SMARCC1: variants seen among roughly 807,000 people sequenced by gnomAD.
SMARCC1 encodes SWI/SNF related BAF chromatin remodeling complex subunit C1.
SMARCC1 carries 43 observed loss-of-function variants against 147.4 expected under a neutral mutation model. That is an observed-to-expected ratio of 0.29 (90% CI 0.23 to 0.38). The LOEUF is 0.38. SMARCC1 is among the 10% of genes least tolerant of loss of function. The probability of loss-of-function intolerance (pLI) is 1.00; values close to 1 mark genes in which losing one functional copy is unlikely to be tolerated. For synonymous variants in SMARCC1, 495 were observed against 484.4 expected, an observed-to-expected ratio of 1.02 and a Z score of -0.29; for missense variants, 1,119 against 1,381.1, an observed-to-expected ratio of 0.81 and a Z score of 3.01.
intron 18 of SMARCC1, among the ~76,000 whole-genome samples, chr3:47,674,735 G>A (rs2033548156): frequency 1.3e-5 from 2 of 151,772 alleles, no homozygotes; most frequent in South Asian, 2.1e-4. Flanking sequence ...AAAGTGTTGA[G>A]CTTGGCCTGG....
At chr3:47,633,685 A>G (rs568661280) in intron 24 of SMARCC1, among the ~76,000 whole-genome samples, 33 of 143,168 alleles carry the variant, frequency 2.3e-4, no homozygotes, top group Admixed American at 2.2e-3. Flanking sequence ...CGGAGGTTGC[A>G]GTGAGCCAAG....
intron 21 of SMARCC1, among the ~76,000 whole-genome samples, chr3:47,650,298 AATTATT>A (rs55981108): frequency 3.0e-4 from 42 of 141,058 alleles, no homozygotes; most frequent in African/African-American, 9.4e-4. Context: ...TAATAATAAT[AATTATT>A]ATTATTATTA....
chr3:47,714,392 AT>A (rs748133706), intron 8 of SMARCC1, 22 bp downstream of exon 8: 219 of 1,434,246 alleles, frequency 1.5e-4, no homozygotes, highest in Non-Finnish European at 1.9e-4. Flanking sequence ...TTATTGTAAG[AT>A]TTTTTTTGTT....
At position 47,676,566 on chromosome 3, in the gene SMARCC1, A is replaced by C. The variant is rs1576407972; in HGVS notation, c.1725+63T>G. 2.6e-6 allele frequency: 3 copies of C among 1,165,946 alleles called. No homozygotes were observed. The East Asian group carries it at 7.1e-5, about 28-fold the overall frequency. 72.2% of individuals were successfully genotyped at this position (1,165,946 alleles called of 1,614,324 possible). A position where few individuals can be genotyped will look rare whatever the true frequency, so the allele number is the denominator to read the frequency against. ...AGTATAATAATAATTGTTTCTAAATAGATATGCTATAAATGGCCATTTGTT... is the reference window on the plus strand; with the variant it reads ...AGTATAATAATAATTGTTTCTAAATCGATATGCTATAAATGGCCATTTGTT... On this transcript the variant is annotated intron_variant, in intron 17 of 27. Transcript: ENST00000254480.
rs922102116 is a variant in SMARCC1, at chr3:47,676,621, T to C, written c.1725+8A>G. ...TCCAGGTCTGATGAAAAGTCAACAT[T>C]AATTTACCTGAGGTGATCGAAGATG... On this transcript the variant is annotated splice_region_variant and intron_variant, in intron 17 of 27. Transcript: ENST00000254480. 11 of 1,612,072 alleles carry C rather than the reference T, an allele frequency of 6.8e-6. No homozygotes were observed. The highest frequency in any genetic ancestry group is 9.3e-6 in the Non-Finnish European group (11 of 1,178,614).
intron 21 of SMARCC1, among the ~76,000 whole-genome samples, chr3:47,641,229 G>A (rs2033043787): frequency 2.0e-5 from 3 of 152,230 alleles, no homozygotes; most frequent in Admixed American, 2.0e-4. Context: ...GCTCATGCCT[G>A]TAATCCCAGC....
chr3:47,697,005 C>T (rs1344473778), intron 11 of SMARCC1, among the ~76,000 whole-genome samples: 1 of 152,144 alleles, frequency 6.6e-6, no homozygotes, highest in Non-Finnish European at 1.5e-5. Flanking sequence ...GGAAAGGCCA[C>T]CATGTCCAGC....
intron 11 of SMARCC1, among the ~76,000 whole-genome samples, chr3:47,700,194 C>A (rs1226052851): frequency 6.6e-6 from 1 of 151,050 alleles, no homozygotes; most frequent in African/African-American, 2.4e-5. Flanking sequence ...AAAAACCTAC[C>A]AATAACTTTA....
intron 21 of SMARCC1, among the ~76,000 whole-genome samples, chr3:47,646,352 A>C (rs1444332081): frequency 1.3e-5 from 2 of 152,132 alleles, no homozygotes; most frequent in Non-Finnish European, 1.5e-5. Flanking sequence ...CATGTATCTC[A>C]TGTCATTTTG....
At chr3:47,757,323 G>A (rs2034712014) in intron 2 of SMARCC1, among the ~76,000 whole-genome samples, 1 of 152,086 alleles carries the variant, frequency 6.6e-6, no homozygotes, top group South Asian at 2.1e-4. Context: ...GATTTAAACA[G>A]GTACTTCTCA....
chr3:47,720,049 TAAAAG>T (rs1559653907), intron 7 of SMARCC1, among the ~76,000 whole-genome samples: 1 of 152,034 alleles, frequency 6.6e-6, no homozygotes, highest in East Asian at 1.9e-4. Flanking sequence ...ATTCATTTCT[TAAAAG>T]AAACAAATAT....
At chr3:47,732,307 G>A (rs962077977) in intron 5 of SMARCC1, among the ~76,000 whole-genome samples, 2 of 152,182 alleles carry the variant, frequency 1.3e-5, no homozygotes, top group Non-Finnish European at 2.9e-5. Flanking sequence ...TTAAGGAAAT[G>A]TTGGGCTGCT....
chr3:47,601,226 C>T (rs556807980), intron 26 of SMARCC1, among the ~76,000 whole-genome samples: 21 of 151,690 alleles, frequency 1.4e-4, no homozygotes, highest in Non-Finnish European at 2.1e-4. Context: ...CATTCTCTCT[C>T]AGGTTTATTG....
intron 15 of SMARCC1, among the ~76,000 whole-genome samples, chr3:47,679,185 A>G (rs1398973822): frequency 6.6e-6 from 1 of 151,552 alleles, no homozygotes; most frequent in Non-Finnish European, 1.5e-5. Flanking sequence ...ACTGAACTCC[A>G]GCCTGCATGA....
intron 26 of SMARCC1, among the ~76,000 whole-genome samples, chr3:47,606,877 CTTTTTTT>C (rs34081063): frequency 1.5e-5 from 2 of 135,872 alleles, no homozygotes; most frequent in South Asian, 2.4e-4. Flanking sequence ...CACCTGGCTA[CTTTTTTT>C]TTTTTTTTTT....
intron 20 of SMARCC1, among the ~76,000 whole-genome samples, chr3:47,661,807 A>AT (rs2033351230): frequency 1.3e-5 from 2 of 152,120 alleles, no homozygotes; most frequent in Non-Finnish European, 2.9e-5. Context: ...CCATAAAACC[A>AT]AGAAAGAGTT....
intron 18 of SMARCC1, among the ~76,000 whole-genome samples, chr3:47,674,606 G>A (rs575760479): frequency 2.0e-4 from 31 of 152,152 alleles, no homozygotes; most frequent in African/African-American, 6.5e-4. Context: ...TAATGTACCC[G>A]AGTGTGGTCT....
rs1243431432 is a variant in SMARCC1, at chr3:47,636,002, A to G, written c.2491+20T>C. ...TTTACAGTTTTACATAATAATATCT[A>G]AGGAGTTTCCTCAAATTACCTGATT... On this transcript the variant is annotated intron_variant, in intron 23 of 27. Transcript: ENST00000254480. The G allele has an allele frequency of 2.6e-6, 3 of 1,143,468 alleles. No homozygotes were observed. The highest frequency in any genetic ancestry group is 1.3e-5 in the South Asian group (1 of 77,684). The allele number at this position is 1,143,468 out of a possible 1,614,324, so 70.8% of individuals were successfully genotyped here.
intron 12 of SMARCC1, among the ~76,000 whole-genome samples, chr3:47,692,752 G>C (rs368285135): frequency 3.9e-5 from 6 of 152,284 alleles, no homozygotes; most frequent in African/African-American, 1.2e-4. Flanking sequence ...GCCAGTCACG[G>C]TGGCTCACGC....
Sources: allele counts gnomAD v4.1 joint callset (sites outside exome capture counted in the v4.1 genomes callset), GRCh38; gene constraint gnomAD v4.1.1; transcripts MANE v1.5; gene names NCBI Gene and HGNC (gene_info 2026-07-23, HGNC 2026-07-21).